Variants in HTT observed in about 807,000 individuals in gnomAD.
HTT encodes huntington disease protein.
Under a neutral mutation model 362.3 loss-of-function variants are expected in HTT, and 104 were observed. The observed-to-expected ratio is 0.29, with a 90% CI of 0.24 to 0.34. The LOEUF is 0.34. Ranked by LOEUF, HTT falls within the 10% of genes least tolerant of loss-of-function variation. HTT has a pLI of 1.00. For missense variants in HTT, 3,301 were observed against 3,928.6 expected (o/e 0.84, Z 4.27); for synonymous variants, 1,577 against 1,548.7 (o/e 1.02, Z -0.43).
At chr4:3,093,992 A>G (rs536871727) in intron 2 of HTT, among the ~76,000 whole-genome samples, 17 of 146,212 alleles carry the variant, frequency 1.2e-4, no homozygotes, top group African/African-American at 4.1e-4. Flanking sequence ...TCATAGGACA[A>G]TAGTGGAGGG....
intron 64 of HTT, 97 bp from the exon 65 acceptor site, chr4:3,238,350 C>G (rs570093402): frequency 3.5e-6 from 3 of 863,408 alleles, no homozygotes; most frequent in African/African-American, 3.5e-5. Flanking sequence ...GATTTCACAT[C>G]GGCATTTTCC....
At chr4:3,132,290 AT>A (rs1201583678) in intron 16 of HTT, among the ~76,000 whole-genome samples, 1 of 152,152 alleles carries the variant, frequency 6.6e-6, no homozygotes, top group Non-Finnish European at 1.5e-5. Flanking sequence ...GGAATCTGGA[AT>A]TTTAATCAGA....
intron 3 of HTT, among the ~76,000 whole-genome samples, chr4:3,100,271 A>G (rs1714089006): frequency 6.6e-6 from 1 of 152,206 alleles, no homozygotes; most frequent in Non-Finnish European, 1.5e-5. Context: ...AATTGCCACT[A>G]CTGGATCCTC....
At chr4:3,089,644 T>A (rs918840015) in intron 2 of HTT, among the ~76,000 whole-genome samples, 2 of 152,234 alleles carry the variant, frequency 1.3e-5, no homozygotes, top group Non-Finnish European at 2.9e-5. Flanking sequence ...TCAGAGAACA[T>A]AATTTCTCTC....
rs907415622 is a variant in HTT at position 3,206,209 on chromosome 4, C to T, written c.5719-287C>T. On this transcript the variant is annotated intron_variant, in intron 42 of 66. Transcript: ENST00000355072. This position sits in a 1 kb window ranked among gnomAD's most constrained non-coding sequence, Gnocchi z 4.6. ...TGAGGCCTGCCTTTGTCCTTTGACC[C>T]TTGGCCATTTGTTAGTGTCTCTGAG... Among the ~76,000 whole-genome samples the T allele has an allele frequency of 1.3e-5, 2 of 152,230 alleles. No homozygotes were observed. Among genetic ancestry groups the T allele is most frequent in the African/African-American group, 4.8e-5 (2 of 41,444 alleles).
At chr4:3,079,266 T>G (rs1416261537) in intron 1 of HTT, among the ~76,000 whole-genome samples, 14 of 143,898 alleles carry the variant, frequency 9.7e-5, no homozygotes, top group African/African-American at 3.3e-4. Context: ...TTTTTTTTTT[T>G]GGGGTTGGGG....
intron 64 of HTT, 132 bp from the exon 65 acceptor site, chr4:3,238,315 A>G (rs1721639007): frequency 1.6e-6 from 1 of 616,222 alleles, no homozygotes; most frequent in Admixed American, 3.8e-5. Flanking sequence ...AAAGTCCCTC[A>G]CGGCCGAGGG....
chr4:3,184,793 C>T (rs1718687673), intron 37 of HTT, among the ~76,000 whole-genome samples: 1 of 151,962 alleles, frequency 6.6e-6, no homozygotes, highest in Non-Finnish European at 1.5e-5. Flanking sequence ...TCTGAGATGT[C>T]CACTCACAGT....
At chr4:3,091,918 G>C (rs1281961994) in intron 2 of HTT, among the ~76,000 whole-genome samples, 1 of 152,180 alleles carries the variant, frequency 6.6e-6, no homozygotes, top group Non-Finnish European at 1.5e-5. Flanking sequence ...CTTACCCCTA[G>C]GAAAGTGTGT....
intron 26 of HTT, among the ~76,000 whole-genome samples, chr4:3,149,828 C>T (rs1716791954): frequency 6.6e-6 from 1 of 152,192 alleles, no homozygotes; most frequent in Admixed American, 6.5e-5. Context: ...CTCTCTTGGC[C>T]TGGACCCTGT....
In HTT at chr4:3,144,723, G is replaced by A. The variant is rs554348868; in HGVS notation, c.3067-429G>A. Among the ~76,000 whole-genome samples the A allele has an allele frequency of 9.2e-5, 14 of 152,310 alleles. No homozygotes were observed. In the South Asian group the frequency reaches 1.2e-3, roughly 14 times the overall value. On this transcript the variant is annotated intron_variant, in intron 23 of 66. Coordinates refer to ENST00000355072, the MANE Select transcript of HTT (RefSeq NM_001388492.1). ...CTTCCCTTGATTTGTTCAAAATATC[G>A]TAAACTTTGCTTATTTATTTTTATT... is the stretch of plus-strand genomic sequence containing the variant.
chr4:3,206,509 A>G lies in HTT; in HGVS notation c.5732A>G (p.His1911Arg). ...LFCDYVCQNLHDSEHLTWLIV... is the reference protein window; with the variant it reads ...LFCDYVCQNLRDSEHLTWLIV... ...ATTTTTCCTTAGTGTCAGAACCTCC[A>G]TGACTCCGAGCACTTAACGTGGCTC... The change falls in exon 43 of 67, where the codon CAT becomes CGT. Residue 1911 changes from histidine (H) to arginine (R), a missense_variant. By Grantham distance (29) the His-to-Arg change is conservative. Around this residue, in one of 4 missense-constraint regions of HTT, gnomAD observed 2,316 missense variants for 2,658.5 expected, o/e 0.87. Coordinates refer to ENST00000355072, the MANE Select transcript of HTT (RefSeq NM_001388492.1). This position sits in a 1 kb window ranked among gnomAD's most constrained non-coding sequence, Gnocchi z 4.6. The G allele has an allele frequency of 6.2e-7, 1 of 1,613,972 alleles. No individual in the cohort carries two copies. The highest frequency in any genetic ancestry group is 1.3e-5 in the African/African-American group (1 of 75,022).
At chr4:3,201,522 T>TC (rs1202299096) in intron 41 of HTT, among the ~76,000 whole-genome samples, 28 of 108,652 alleles carry the variant, frequency 2.6e-4, no homozygotes, top group African/African-American at 1.0e-3. Flanking sequence ...AGAGTGAGAC[T>TC]CCATCTCAAA....
chr4:3,140,333 T>C (rs553109508), intron 21 of HTT, among the ~76,000 whole-genome samples, 177 bp from the exon 22 acceptor site: 47 of 151,694 alleles, frequency 3.1e-4, no homozygotes, highest in East Asian at 1.9e-3. Context: ...AGAGTGACCC[T>C]GAGATTGGAG....
rs1489840561 is a variant in HTT, at chr4:3,235,308, G to A, written c.8481G>A (p.Gln2827=). 1 of 1,613,594 alleles carries A rather than the reference G, an allele frequency of 6.2e-7. No individual in the cohort carries two copies. Residue 2827 remains glutamine, a synonymous_variant, in exon 62 of 67, where the codon CAG becomes CAA. Coordinates refer to ENST00000355072, the MANE Select transcript of HTT (RefSeq NM_001388492.1). The part of the protein sequence containing the change: ...IAHCVNIHSQ[Q]HVLVMCATAF... ...GCTGCGTGAACATTCACAGCCAGCAGCACGTACTGGTCATGTGTGCCACTG... is the reference window on the plus strand; with the variant it reads ...GCTGCGTGAACATTCACAGCCAGCAACACGTACTGGTCATGTGTGCCACTG...
At chr4:3,153,540 G>T (rs1199716559) in intron 26 of HTT, among the ~76,000 whole-genome samples, 4 of 152,152 alleles carry the variant, frequency 2.6e-5, no homozygotes, top group African/African-American at 9.7e-5. Context: ...TGGATTTGTT[G>T]ACTTCTAGCT....
chr4:3,212,732 A>G, intron 49 of HTT, 23 bp downstream of exon 49: 1 of 1,613,836 alleles, frequency 6.2e-7, no homozygotes. Flanking sequence ...TCGGGAGCTC[A>G]GTGTTGCTGT....
intron 45 of HTT, among the ~76,000 whole-genome samples, chr4:3,208,400 G>A (rs363108): frequency 0.01 from 1,531 of 152,294 alleles, 32 homozygotes; most frequent in African/African-American, 0.035. Context: ...TTTGATAGTG[G>A]AATTTGTGCA....
intron 56 of HTT, among the ~76,000 whole-genome samples, chr4:3,224,797 A>C (rs140614976): frequency 6.6e-6 from 1 of 152,242 alleles, no homozygotes; most frequent in Non-Finnish European, 1.5e-5. Flanking sequence ...GCAATGTGTT[A>C]TACGCAGTGT....
Sources: allele counts gnomAD v4.1 joint callset (sites outside exome capture counted in the v4.1 genomes callset), GRCh38; gene constraint gnomAD v4.1.1; regional missense constraint gnomAD v4.1.1; non-coding constraint Gnocchi (gnomAD v3.1); transcripts MANE v1.5; gene names NCBI Gene and HGNC (gene_info 2026-07-23, HGNC 2026-07-21).